Variants in RDH13 observed in about 807,000 individuals in gnomAD.
RDH13 encodes retinol dehydrogenase 13 (all-trans and 9-cis).
Under a neutral mutation model 28.3 loss-of-function variants are expected in RDH13, and 35 were observed. The ratio of observed to expected loss-of-function variants is 1.24; its 90% CI spans 0.95 to 1.64. RDH13 has a LOEUF of 1.64. Ranked by LOEUF, RDH13 falls within the 40% of genes most tolerant of loss-of-function variation. The pLI is 0.00. For missense variants in RDH13, 514 were observed against 446.3 expected (o/e 1.15, Z -1.37); for synonymous variants, 229 against 198.5 (o/e 1.15, Z -1.29).
chr19:55,047,401 GAGA>G lies in RDH13; in HGVS notation c.743_745del (p.Phe248del). On this transcript the variant is annotated inframe_deletion, in exon 6 of 7. Coordinates refer to ENST00000415061, the MANE Select transcript of RDH13 (RefSeq NM_001145971.2). ...AGGGGACTCACCGAGTGTGGTGCTG[GAGA>G]AGGTGGAGCCATGGATGCCCGTGTG... 6.2e-7 allele frequency: 1 copy of G among 1,611,952 alleles called. No homozygotes were observed. Among genetic ancestry groups the G allele is most frequent in the Non-Finnish European group, 8.5e-7 (1 of 1,179,924 alleles).
intron 1 of RDH13, among the ~76,000 whole-genome samples, chr19:55,059,988 A>G (rs1241399600): frequency 6.6e-6 from 1 of 152,212 alleles, no homozygotes; most frequent in African/African-American, 2.4e-5. Flanking sequence ...CAGGGGCACG[A>G]TGCACTGCAG....
At position 55,048,770 on chromosome 19, in the gene RDH13, G is replaced by T. The variant is rs778551783; in HGVS notation, c.341-7C>A. The T allele has an allele frequency of 6.2e-7, 1 of 1,611,846 alleles. No homozygotes were observed. The highest frequency in any genetic ancestry group is 8.5e-7 in the Non-Finnish European group (1 of 1,178,154). On this transcript the variant is annotated splice_polypyrimidine_tract_variant and splice_region_variant and intron_variant, in intron 3 of 6. Coordinates refer to ENST00000415061, the MANE Select transcript of RDH13 (RefSeq NM_001145971.2). ...ATGTCCACTCGCTCCTCCTCTGGAA[G>T]AGAGGGGTGGAGGAGGAGACATCCC...
At chr19:55,064,620 GTT>G (rs561249203), upstream of RDH13, among the ~76,000 whole-genome samples, 1 of 151,166 alleles carries the variant, frequency 6.6e-6, no homozygotes, top group African/African-American at 2.4e-5. Flanking sequence ...TGTTTGTTTT[GTT>G]TTGTTTTTTG....
chr19:55,060,780 G>C (rs1407034471), intron 1 of RDH13, among the ~76,000 whole-genome samples: 1 of 152,160 alleles, frequency 6.6e-6, no homozygotes, highest in African/African-American at 2.4e-5. Flanking sequence ...GTTGCAGTGA[G>C]TCGAAATGGT....
downstream of RDH13, chr19:55,041,018 C>G (rs1480706148): frequency 1.3e-5 from 2 of 152,316 alleles, no homozygotes; most frequent in South Asian, 2.1e-4. Context: ...CCCAGATACT[C>G]AGGAGGCTGA....
chr19:55,047,424 C>T lies in RDH13; in HGVS notation c.723G>A (p.Thr241=), dbSNP rs745851848. The change falls in exon 6 of 7, where the codon ACG becomes ACA. Residue 241 remains threonine, a synonymous_variant. Coordinates refer to ENST00000415061, the MANE Select transcript of RDH13 (RefSeq NM_001145971.2). ...GVARTELGRH[T]GIHGSTFSST... ...TGGAGAAGGTGGAGCCATGGATGCC[C>T]GTGTGTCTGCCCAGCTCTGTCCTGG... is the stretch of plus-strand genomic sequence containing the variant. 15 of 1,611,538 alleles carry T rather than the reference C, an allele frequency of 9.3e-6. No homozygotes were observed. Among genetic ancestry groups the T allele is most frequent in the African/African-American group, 4.0e-5 (3 of 74,912 alleles).
At chr19:55,049,723 A>G (rs2075364830) in intron 3 of RDH13, among the ~76,000 whole-genome samples, 1 of 149,496 alleles carries the variant, frequency 6.7e-6, no homozygotes, top group Non-Finnish European at 1.5e-5. Context: ...CAGGAGGCAG[A>G]GGGTGCAGTG....
chr19:55,039,852 A>T (rs2074974689), downstream of RDH13: 1 of 152,184 alleles, frequency 6.6e-6, no homozygotes. Context: ...AAAATAAAAA[A>T]TATTATAAAA....
At chr19:55,060,327 T>C (rs949559967) in intron 1 of RDH13, among the ~76,000 whole-genome samples, 2 of 152,162 alleles carry the variant, frequency 1.3e-5, no homozygotes, top group Non-Finnish European at 2.9e-5. Context: ...CTTGTTATTC[T>C]TTACTCCGCT....
intron 6 of RDH13, 39 bp from the exon 7 acceptor site, chr19:55,045,348 C>G (rs2075184653): frequency 1.3e-6 from 2 of 1,524,478 alleles, no homozygotes; most frequent in Non-Finnish European, 1.8e-6. Flanking sequence ...CACACTCGCT[C>G]AGAGAGAAGG....
At chr19:55,042,707 CGCT>C (rs1190151428), downstream of RDH13, 1 of 152,174 alleles carries the variant, frequency 6.6e-6, no homozygotes, top group East Asian at 1.9e-4. Flanking sequence ...TGGAGTGGTC[CGCT>C]CCTCTTGGGC....
intron 3 of RDH13, chr19:55,050,968 C>G (rs1245715798): frequency 6.8e-6 from 1 of 146,808 alleles, no homozygotes; most frequent in Non-Finnish European, 1.5e-5. Context: ...TGATCCTGGC[C>G]AAGTCACATC....
At chr19:55,062,925 G>T in intron 1 of RDH13, 43 bp downstream of exon 1, 1 of 1,402,348 alleles carries the variant, frequency 7.1e-7, no homozygotes, top group Non-Finnish European at 9.3e-7. Flanking sequence ...CCCTGCGCTG[G>T]GGGCCCGCCT....
intron 2 of RDH13, among the ~76,000 whole-genome samples, chr19:55,058,391 A>G (rs2075704296): frequency 6.6e-6 from 1 of 151,674 alleles, no homozygotes; most frequent in African/African-American, 2.4e-5. Context: ...TCCATCTCAA[A>G]AAAAAAAAAA....
At chr19:55,049,521 G>A (rs951544774) in intron 3 of RDH13, among the ~76,000 whole-genome samples, 1 of 152,204 alleles carries the variant, frequency 6.6e-6, no homozygotes, top group South Asian at 2.1e-4. Flanking sequence ...CGGGCACAGT[G>A]GCTCACGCCT....
Position 55,047,976 on chromosome 19 carries a change from G to A in RDH13, c.658+353C>T, listed in dbSNP as rs527541517. ...GATGCCCAGAGCAATCTCTCCCCAA[G>A]CCAGCTGTGATCACTGTGTTTCCAG... On this transcript the variant is annotated intron_variant, in intron 5 of 6. Coordinates refer to ENST00000415061, the MANE Select transcript of RDH13 (RefSeq NM_001145971.2). 6.8e-6 allele frequency: 8 copies of A among 1,172,852 alleles called. No individual in the cohort carries two copies. In the Admixed American group the frequency reaches 2.3e-4, roughly 33 times the overall value. The allele number at this position is 1,172,852 out of a possible 1,614,324, so 72.7% of individuals were successfully genotyped here.
At chr19:55,058,493 A>G (rs908757060) in intron 2 of RDH13, among the ~76,000 whole-genome samples, 1 of 151,904 alleles carries the variant, frequency 6.6e-6, no homozygotes, top group Non-Finnish European at 1.5e-5. Context: ...CGTTTCCATT[A>G]AACAGTAACT....
chr19:55,059,015 T>A (rs1413747850), intron 2 of RDH13, 142 bp downstream of exon 2: 2 of 639,664 alleles, frequency 3.1e-6, no homozygotes, highest in Non-Finnish European at 5.6e-6. Flanking sequence ...CATATGCCCC[T>A]GTCTATAGAA....
intron 3 of RDH13, among the ~76,000 whole-genome samples, chr19:55,051,550 C>T (rs2147020956): frequency 9.7e-6 from 1 of 102,826 alleles, no homozygotes; most frequent in Non-Finnish European, 2.1e-5. Context: ...GCTGCCTCAG[C>T]CTCCCGAGTA....
Sources: allele counts gnomAD v4.1 joint callset (sites outside exome capture counted in the v4.1 genomes callset), GRCh38; gene constraint gnomAD v4.1.1; transcripts MANE v1.5; gene names NCBI Gene and HGNC (gene_info 2026-07-23, HGNC 2026-07-21).